The following GDAP1 variants were observed in gnomAD, a reference collection of about 807,000 sequenced individuals.
GDAP1 encodes the protein ganglioside-induced differentiation-associated protein 1.
In GDAP1, 34 loss-of-function variants were observed where a neutral mutation model predicts 40.1. The observed-to-expected ratio is 0.85, with a 90% CI of 0.64 to 1.13. The LOEUF (loss-of-function observed/expected upper bound fraction) is 1.13, where lower values mean the gene tolerates loss of function less well. Ranked by LOEUF, GDAP1 falls within the 50% of genes most tolerant of loss-of-function variation. GDAP1 has a pLI of 0.00. For synonymous variants in GDAP1, 170 were observed against 157.4 expected (o/e 1.08, Z -0.60); for missense variants, 374 against 433.7 (o/e 0.86, Z 1.22).
chr8:74,439,241 G>A (rs911588698), intron 2 of GDAP1, among the ~76,000 whole-genome samples: 6 of 151,922 alleles, frequency 3.9e-5, no homozygotes, highest in South Asian at 4.1e-4. Flanking sequence ...ATGTGTGTGT[G>A]TATATACACA....
At chr8:74,477,581 G>T (rs1806647277) in intron 2 of GDAP1, among the ~76,000 whole-genome samples, 1 of 152,090 alleles carries the variant, frequency 6.6e-6, no homozygotes, top group Non-Finnish European at 1.5e-5. Flanking sequence ...GGACTCCTAG[G>T]CTGTATTCTC....
intron 2 of GDAP1, among the ~76,000 whole-genome samples, chr8:74,473,644 A>G (rs983868211): frequency 6.6e-6 from 1 of 151,634 alleles, no homozygotes; most frequent in Non-Finnish European, 1.5e-5. Context: ...TGGGCTCTCT[A>G]TTGTGTTCCA....
chr8:74,384,358 C>T (rs1809995890), intron 2 of GDAP1, among the ~76,000 whole-genome samples: 1 of 152,116 alleles, frequency 6.6e-6, no homozygotes, highest in African/African-American at 2.4e-5. Flanking sequence ...CATGCATGAA[C>T]AATTTTTATA....
At chr8:74,436,370 A>T (rs1430663330) in intron 2 of GDAP1, among the ~76,000 whole-genome samples, 1 of 151,718 alleles carries the variant, frequency 6.6e-6, no homozygotes. Context: ...GCCAATATAA[A>T]CTTTTGATGC....
chr8:74,441,977 C>T (rs1016360651), intron 2 of GDAP1, among the ~76,000 whole-genome samples: 2 of 152,096 alleles, frequency 1.3e-5, no homozygotes, highest in Non-Finnish European at 2.9e-5. Flanking sequence ...TAAAAGTATA[C>T]TTCTCTATTA....
rs1260794974 is a variant in GDAP1 at position 74,393,209 on chromosome 8, A to AT, written c.165+41895dup. On this transcript the variant is annotated intron_variant, in intron 2 of 2. Coordinates refer to the GDAP1 transcript ENST00000523640. ...TTAAGTTTATCTAATTTAAATAGTT[A>AT]TTTTTTTCTGGTAAAGAGATTGACA... 5.3e-5 allele frequency among the ~76,000 whole-genome samples: 8 copies of AT among 152,224 alleles called. No homozygotes were observed. The South Asian group carries it at 1.5e-3, about 28-fold the overall frequency.
intron 2 of GDAP1, among the ~76,000 whole-genome samples, chr8:74,398,687 G>A (rs980330514): frequency 3.9e-5 from 6 of 152,118 alleles, no homozygotes; most frequent in East Asian, 1.9e-4. Context: ...CTGTGGGTTT[G>A]TCATAGATAG....
chr8:74,360,366 T>G (rs1219785127), intron 3 of GDAP1, 56 bp downstream of exon 3: 2 of 1,417,072 alleles, frequency 1.4e-6, no homozygotes, highest in East Asian at 4.5e-5. Context: ...TTTAATTCAT[T>G]TTGAGACCTA....
At chr8:74,396,032 A>G (rs1810192743) in intron 2 of GDAP1, among the ~76,000 whole-genome samples, 1 of 152,260 alleles carries the variant, frequency 6.6e-6, no homozygotes, top group Admixed American at 6.5e-5. Flanking sequence ...TACTGGACAG[A>G]AACATTTTTT....
chr8:74,432,998 T>C (rs1806046090), intron 2 of GDAP1, among the ~76,000 whole-genome samples: 1 of 152,198 alleles, frequency 6.6e-6, no homozygotes, highest in South Asian at 2.1e-4. Flanking sequence ...CCTAGTCCAA[T>C]AGGCTTCAGC....
intron 2 of GDAP1, among the ~76,000 whole-genome samples, chr8:74,421,781 C>T (rs550023489): frequency 7.9e-5 from 12 of 152,234 alleles, no homozygotes; most frequent in African/African-American, 2.4e-4. Flanking sequence ...CTGTGAGATA[C>T]GACAACTGAT....
intron 2 of GDAP1, among the ~76,000 whole-genome samples, chr8:74,399,608 C>T (rs1269846658): frequency 7.3e-6 from 1 of 137,604 alleles, no homozygotes; most frequent in African/African-American, 3.1e-5. Context: ...AATGTGTTTG[C>T]TCTTGCTTTT....
At chr8:74,422,196 CTTCT>C (rs1805866600) in intron 2 of GDAP1, among the ~76,000 whole-genome samples, 1 of 145,096 alleles carries the variant, frequency 6.9e-6, no homozygotes, top group Admixed American at 6.9e-5. Context: ...TTTTCTCTTT[CTTCT>C]TTCTTTCTCT....
intron 2 of GDAP1, among the ~76,000 whole-genome samples, chr8:74,387,700 T>C (rs1810045554): frequency 6.6e-6 from 1 of 152,218 alleles, no homozygotes; most frequent in African/African-American, 2.4e-5. Flanking sequence ...CCTCATAAAA[T>C]TAGTTAGGGA....
chr8:74,471,436 G>T, intron 2 of GDAP1, among the ~76,000 whole-genome samples: 1 of 111,766 alleles, frequency 8.9e-6, no homozygotes, highest in South Asian at 3.4e-4. Context: ...CTAAATCAGA[G>T]TAAATTTTCC....
intron 2 of GDAP1, among the ~76,000 whole-genome samples, chr8:74,468,903 A>G (rs1586844311): frequency 6.6e-6 from 1 of 152,116 alleles, no homozygotes; most frequent in Non-Finnish European, 1.5e-5. Flanking sequence ...TTCCTCAGTT[A>G]TGCATAATGC....
At chr8:74,360,665 A>C (rs1201117620) in intron 3 of GDAP1, among the ~76,000 whole-genome samples, 1 of 152,232 alleles carries the variant, frequency 6.6e-6, no homozygotes, top group Non-Finnish European at 1.5e-5. Context: ...GATTATGGGC[A>C]GTTGAGTTCA....
At chr8:74,473,905 C>G (rs1185028706) in intron 2 of GDAP1, among the ~76,000 whole-genome samples, 1 of 152,170 alleles carries the variant, frequency 6.6e-6, no homozygotes, top group African/African-American at 2.4e-5. Context: ...GCAGCATAAC[C>G]ATTTTAATAA....
At chr8:74,398,455 C>T (rs1020162964) in intron 2 of GDAP1, among the ~76,000 whole-genome samples, 10 of 152,144 alleles carry the variant, frequency 6.6e-5, no homozygotes, top group East Asian at 3.9e-4. Flanking sequence ...GGGCTGAAGA[C>T]GATGGGGTTT....
Sources: allele counts gnomAD v4.1 joint callset (sites outside exome capture counted in the v4.1 genomes callset), GRCh38; gene constraint gnomAD v4.1.1; transcripts MANE v1.5; gene names NCBI Gene and HGNC (gene_info 2026-07-23, HGNC 2026-07-21).